Variants in ATP8B1 observed in about 807,000 individuals in gnomAD.
ATP8B1 encodes the protein ATPase phospholipid transporting 8B1, also known as phospholipid-transporting ATPase IC.
A neutral mutation model predicts 149.9 loss-of-function variants in ATP8B1; 80 were observed. The ratio of observed to expected loss-of-function variants is 0.53; its 90% CI spans 0.45 to 0.64. ATP8B1 has a LOEUF of 0.64. ATP8B1 is among the 30% of genes least tolerant of loss of function. The probability of loss-of-function intolerance (pLI) is 0.00; values close to 1 mark genes in which losing one functional copy is unlikely to be tolerated. For missense variants in ATP8B1, 1,247 were observed against 1,552.6 expected, an observed-to-expected ratio of 0.80 and a Z score of 3.31; for synonymous variants, 536 against 562.8, an observed-to-expected ratio of 0.95 and a Z score of 0.67.
chr18:57,752,207 A>AAATAATAATAATAAT (rs74183222), intron 1 of ATP8B1, among the ~76,000 whole-genome samples: 5,839 of 138,210 alleles, frequency 0.042, 175 homozygotes, highest in Non-Finnish European at 0.048. Flanking sequence ...ACCCTGTCTC[A>AAATAATAATAATAAT]AATAATAATA....
chr18:57,772,688 C>T (rs545032231), intron 1 of ATP8B1, among the ~76,000 whole-genome samples: 1 of 152,130 alleles, frequency 6.6e-6, no homozygotes, highest in African/African-American at 2.4e-5. Flanking sequence ...GCTCCTGTCC[C>T]TATGAAGCTT....
intron 2 of ATP8B1, among the ~76,000 whole-genome samples, chr18:57,726,972 C>T (rs2079715199): frequency 1.3e-5 from 2 of 152,054 alleles, no homozygotes; most frequent in Admixed American, 6.5e-5. Context: ...CCCAGCTACT[C>T]GGGAGGCTGA....
intron 1 of ATP8B1, among the ~76,000 whole-genome samples, chr18:57,773,209 A>AAAG (rs2080278720): frequency 6.6e-6 from 1 of 151,240 alleles, no homozygotes; most frequent in Non-Finnish European, 1.5e-5. Context: ...CTTAAAAAAA[A>AAAG]AAAAAAAAAG....
At chr18:57,747,310 A>G (rs554296271) in intron 1 of ATP8B1, among the ~76,000 whole-genome samples, 1 of 152,216 alleles carries the variant, frequency 6.6e-6, no homozygotes, top group East Asian at 1.9e-4. Flanking sequence ...AAAATTAGCC[A>G]GGCGTGGTGG....
intron 2 of ATP8B1, 45 bp downstream of exon 2, chr18:57,731,582 T>A (rs1357349610): frequency 6.2e-7 from 1 of 1,601,520 alleles, no homozygotes; most frequent in Admixed American, 1.7e-5. Flanking sequence ...ATGACCCACA[T>A]GAGGATTTAT....
chr18:57,660,869 G>GA (rs1372735955), intron 22 of ATP8B1, among the ~76,000 whole-genome samples: 1 of 151,940 alleles, frequency 6.6e-6, no homozygotes, highest in African/African-American at 2.4e-5. Flanking sequence ...CAGTAAGAGA[G>GA]AAAAAAATAC....
intron 20 of ATP8B1, 112 bp downstream of exon 20, chr18:57,666,980 C>T: frequency 3.1e-6 from 3 of 960,830 alleles, no homozygotes; most frequent in Middle Eastern, 2.1e-4. Context: ...GGAAACTGCC[C>T]CAAGTGACAC....
At position 57,652,466 on chromosome 18, in the gene ATP8B1, C is replaced by T. The variant is rs761915146; in HGVS notation, c.3261+18G>A. 3.7e-6 allele frequency: 6 copies of T among 1,614,106 alleles called. No homozygotes were observed. The highest frequency in any genetic ancestry group is 5.1e-6 in the Non-Finnish European group (6 of 1,180,012). ...AGGTACCAATAGACACTGAATACGG[C>T]CAATGAAAGCCACGTACCTGGAAAT... On this transcript the variant is annotated intron_variant, in intron 25 of 27. Transcript: ENST00000648908.
chr18:57,800,121 A>T (rs2080560085), intron 1 of ATP8B1, among the ~76,000 whole-genome samples: 1 of 152,204 alleles, frequency 6.6e-6, no homozygotes, highest in South Asian at 2.1e-4. Flanking sequence ...ACTAAACTAG[A>T]ACCAAGTGTA....
chr18:57,774,356 G>A (rs1599224289), intron 1 of ATP8B1, among the ~76,000 whole-genome samples: 1 of 152,324 alleles, frequency 6.6e-6, no homozygotes, highest in Middle Eastern at 3.4e-3. Flanking sequence ...CCAGCACTTT[G>A]GGAGGCCAAG....
At chr18:57,672,910 ATATATATATATATATATATAT>A (rs1239433024) in intron 16 of ATP8B1, among the ~76,000 whole-genome samples, 11 of 75,288 alleles carry the variant, frequency 1.5e-4, no homozygotes, top group African/African-American at 2.6e-4. Context: ...ATATATATAT[ATATATATATATATATATATAT>A]AACATGTATA....
At chr18:57,764,326 T>C (rs1049042016) in intron 1 of ATP8B1, among the ~76,000 whole-genome samples, 2 of 97,666 alleles carry the variant, frequency 2.0e-5, no homozygotes, top group Non-Finnish European at 2.2e-5. Context: ...TCTTTCTTTT[T>C]CTTTCTTTCT....
chr18:57,696,055 A>C (rs1489295100), intron 8 of ATP8B1, among the ~76,000 whole-genome samples: 1 of 152,196 alleles, frequency 6.6e-6, no homozygotes, highest in Non-Finnish European at 1.5e-5. Flanking sequence ...GTGGGTGGGC[A>C]CAAGGGCAGG....
chr18:57,652,215 G>C, intron 25 of ATP8B1, 43 bp from the exon 26 acceptor site: 2 of 1,610,620 alleles, frequency 1.2e-6, no homozygotes, highest in Non-Finnish European at 1.7e-6. Flanking sequence ...ATTTTGGGGA[G>C]TTAGCAAGAA....
chr18:57,678,446 G>A lies in ATP8B1; in HGVS notation c.1631-3424C>T, dbSNP rs565596715. 5.9e-5 allele frequency among the ~76,000 whole-genome samples: 9 copies of A among 152,086 alleles called. No homozygotes were observed. In the East Asian group the frequency reaches 9.7e-4, roughly 16 times the overall value. Reference sequence around the variant, plus strand: ...ACTAAAAATGTAAAAAATTAGCCACGTGTGGTGGTATGCACCTGTAATCCC... The same window carrying A: ...ACTAAAAATGTAAAAAATTAGCCACATGTGGTGGTATGCACCTGTAATCCC... On this transcript the variant is annotated intron_variant, in intron 15 of 27. Coordinates refer to ENST00000648908, the MANE Select transcript of ATP8B1 (RefSeq NM_001374385.1).
intron 2 of ATP8B1, among the ~76,000 whole-genome samples, chr18:57,713,204 C>T (rs71355645): frequency 0.18 from 13,191 of 72,236 alleles, 865 homozygotes; most frequent in East Asian, 0.33. Context: ...TCTTTCCTTC[C>T]TTCCTTCCTT....
At chr18:57,761,124 T>TAA (rs371349051) in intron 1 of ATP8B1, among the ~76,000 whole-genome samples, 1 of 124,116 alleles carries the variant, frequency 8.1e-6, no homozygotes, top group African/African-American at 2.8e-5. Flanking sequence ...TAAAATAAAA[T>TAA]AAAATAAAAT....
Position 57,654,027 on chromosome 18 carries a change from T to C in ATP8B1, c.2980A>G (p.Ser994Gly), listed in dbSNP as rs1351792991. 1 of 1,613,980 alleles carries C rather than the reference T, an allele frequency of 6.2e-7. No individual in the cohort carries two copies. The highest frequency in any genetic ancestry group is 8.5e-7 in the Non-Finnish European group (1 of 1,180,020). The change falls in exon 24 of 28, where the codon AGC becomes GGC. Residue 994 changes from serine (S) to glycine (G), a missense_variant. Physicochemically the swap from Ser to Gly is moderately conservative, Grantham distance 56. This residue lies in a region of ATP8B1 where 230 missense variants were observed against 356.6 expected (regional missense o/e 0.65). Transcript: ENST00000648908. ...FITLYNVLYTSLPVLLMGLLD... is the reference protein window; with the variant it reads ...FITLYNVLYTGLPVLLMGLLD... ...AGCCCCATGAGGAGCACGGGCAGGC[T>C]GGTGTACAGCACGTTGTAGAGGGTG...
chr18:57,663,953 G>C (rs1910687225), intron 20 of ATP8B1, among the ~76,000 whole-genome samples: 2 of 151,226 alleles, frequency 1.3e-5, no homozygotes, highest in Non-Finnish European at 2.9e-5. Flanking sequence ...TTTTAGTAGA[G>C]ACAGGGTTTC....
Sources: allele counts gnomAD v4.1 joint callset (sites outside exome capture counted in the v4.1 genomes callset), GRCh38; gene constraint gnomAD v4.1.1; regional missense constraint gnomAD v4.1.1; transcripts MANE v1.5; gene names NCBI Gene and HGNC (gene_info 2026-07-23, HGNC 2026-07-21).